Variants in PPIL2 observed in about 807,000 individuals in gnomAD.
The protein encoded by PPIL2 is RING-type E3 ubiquitin-protein ligase PPIL2.
PPIL2 carries 50 observed loss-of-function variants against 75.2 expected under a neutral mutation model. The ratio of observed to expected loss-of-function variants is 0.66; its 90% CI spans 0.53 to 0.84. The LOEUF (loss-of-function observed/expected upper bound fraction) is 0.84, where lower values mean the gene tolerates loss of function less well. Ranked by LOEUF, PPIL2 falls within the 40% of genes least tolerant of loss-of-function variation. The pLI, the probability that PPIL2 is intolerant of heterozygous loss-of-function variation, is 0.00. For missense variants in PPIL2, 590 were observed against 685.0 expected, an observed-to-expected ratio of 0.86 and a Z score of 1.55; for synonymous variants, 245 against 258.8, an observed-to-expected ratio of 0.95 and a Z score of 0.51.
chr22:21,694,966 G>C lies in PPIL2; in HGVS notation c.1362G>C (p.Lys454Asn). ...CGCAGGAGCGGAAGACACAGCTCAAGGTAGCCCCGGAGACCAAAGTGAAGA... is the reference window on the plus strand; with the variant it reads ...CGCAGGAGCGGAAGACACAGCTCAACGTAGCCCCGGAGACCAAAGTGAAGA... Reference protein sequence around the residue: ...QIAQERKTQLKVAPETKVKSS... With the variant: ...QIAQERKTQLNVAPETKVKSS... Residue 454 changes from lysine to asparagine, a missense_variant, in exon 19 of 20, where the codon AAG becomes AAC. Coordinates refer to ENST00000398831, the MANE Select transcript of PPIL2 (RefSeq NM_014337.4). 1 of 1,613,924 alleles carries C rather than the reference G, an allele frequency of 6.2e-7. No individual in the cohort carries two copies. Among genetic ancestry groups the C allele is most frequent in the Non-Finnish European group, 8.5e-7 (1 of 1,180,002 alleles).
intron 4 of PPIL2, among the ~76,000 whole-genome samples, 164 bp downstream of exon 4, chr22:21,671,223 C>G (rs1243139658): frequency 2.0e-5 from 3 of 152,200 alleles, no homozygotes; most frequent in Non-Finnish European, 4.4e-5. Flanking sequence ...GGGCAGGCAG[C>G]TCTAGTTGTC....
Position 21,686,516 on chromosome 22 carries a change from T to C in PPIL2, c.748T>C (p.Phe250Leu), listed in dbSNP as rs781673013. The C allele has an allele frequency of 5.0e-6, 8 of 1,614,034 alleles. No individual in the cohort carries two copies. The highest frequency in any genetic ancestry group is 6.8e-6 in the Non-Finnish European group (8 of 1,180,012). The change falls in exon 11 of 20, where the codon TTC (phenylalanine) becomes CTC (leucine). Residue 250 changes from phenylalanine to leucine, a missense_variant. Transcript: ENST00000398831. ...TTCCACAGGGAAGGTCAGCGCTTCC[T>C]TCACCTCCACCGCGATGGTCCCGGA... is the stretch of plus-strand genomic sequence containing the variant. Reference protein sequence around the residue: ...HYSTGKVSASFTSTAMVPETT... With the variant: ...HYSTGKVSASLTSTAMVPETT...
chr22:21,678,543 A>C (rs185415931), intron 6 of PPIL2, among the ~76,000 whole-genome samples: 73 of 151,716 alleles, frequency 4.8e-4, no homozygotes, highest in African/African-American at 1.4e-3. Flanking sequence ...TTTCTTTGTT[A>C]ATTGGAATTC....
chr22:21,698,143 G>A (rs2068009841), downstream of PPIL2: 1 of 151,748 alleles, frequency 6.6e-6, no homozygotes, highest in Non-Finnish European at 1.5e-5. Flanking sequence ...ATATGGTCCT[G>A]TGAATAGCAC....
At chr22:21,674,695 G>A (rs896176639) in intron 5 of PPIL2, among the ~76,000 whole-genome samples, 2 of 152,190 alleles carry the variant, frequency 1.3e-5, no homozygotes, top group African/African-American at 4.8e-5. Context: ...GAGGGACTCT[G>A]TGTGTCCCAC....
chr22:21,678,419 C>T (rs1177299525), intron 6 of PPIL2, among the ~76,000 whole-genome samples: 4 of 151,972 alleles, frequency 2.6e-5, no homozygotes, highest in South Asian at 2.1e-4. Flanking sequence ...TTTGTAGAGA[C>T]GGGGTTTCAC....
At chr22:21,692,318 C>G (rs1184884594) in intron 15 of PPIL2, among the ~76,000 whole-genome samples, 1 of 151,882 alleles carries the variant, frequency 6.6e-6, no homozygotes, top group Non-Finnish European at 1.5e-5. Flanking sequence ...ACACGCCTGG[C>G]TAATTTTTTG....
rs376001677 is a variant in PPIL2 at position 21,684,813 on chromosome 22, G to C, written c.614G>C (p.Arg205Pro). The stretch of plus-strand genomic sequence containing the variant: ...CTGAAAAATACAAATGCCGAGACCC[G>C]AGAGACCCTGCAGGAGCTCTACAAG... ...YYLKNTNAET[R>P]ETLQELYKEF... The change falls in exon 10 of 20, where the codon CGA (arginine) becomes CCA (proline). Residue 205 changes from arginine to proline, a missense_variant. Transcript: ENST00000398831. The C allele has an allele frequency of 6.2e-7, 1 of 1,614,148 alleles. No homozygotes were observed. The highest frequency in any genetic ancestry group is 1.1e-5 in the South Asian group (1 of 91,084).
At chr22:21,670,751 A>T in intron 3 of PPIL2, 140 bp downstream of exon 3, 1 of 1,011,854 alleles carries the variant, frequency 9.9e-7, no homozygotes, top group South Asian at 1.3e-5. Context: ...TTGGGAGAAG[A>T]TGCAGAGTCC....
Position 21,682,631 on chromosome 22 carries a change from C to T in PPIL2, c.477+105C>T, listed in dbSNP as rs116720107. 5.8e-4 allele frequency: 347 copies of T among 602,128 alleles called. No individual in the cohort carries two copies. In the African/African-American group the frequency reaches 8.0e-3, roughly 14 times the overall value. The allele number at this position is 602,128 out of a possible 1,614,324, so 37.3% of individuals were successfully genotyped here. ...CGTCAGGGCCCCTCATATCTGTCCTCAAAGCCACCTGAGGCATCTGAATAG... is the reference window on the plus strand; with the variant it reads ...CGTCAGGGCCCCTCATATCTGTCCTTAAAGCCACCTGAGGCATCTGAATAG... On this transcript the variant is annotated intron_variant, in intron 8 of 19. Transcript: ENST00000398831.
rs369400505 is a variant in PPIL2 at position 21,687,600 on chromosome 22, T to TG, written c.898-41dup. The TG allele has an allele frequency of 2.9e-4, 384 of 1,309,778 alleles. 1 individual carries two copies. In the African/African-American group the frequency reaches 5.4e-3, roughly 18 times the overall value. 81.1% of individuals were successfully genotyped at this position (1,309,778 alleles called of 1,614,324 possible). A position where few individuals can be genotyped will look rare whatever the true frequency, so the allele number is the denominator to read the frequency against. On this transcript the variant is annotated intron_variant, in intron 12 of 19. Transcript: ENST00000398831. The stretch of plus-strand genomic sequence containing the variant: ...TCCTGTGGCTGTGGTGAGCTGCCTT[T>TG]GGCAGCTCTCTGCTTCATACAAGTA...
Position 21,695,040 on chromosome 22 carries a change from G to A in PPIL2, c.1436G>A (p.Gly479Asp), listed in dbSNP as rs1253325240. The change falls in exon 19 of 20, where the codon GGC (glycine) becomes GAC (aspartate). Residue 479 changes from glycine to aspartate, a missense_variant. Transcript: ENST00000398831. ...GSQGPQTFRQ[G>D]VGKYINPAAT... Reference sequence around the variant, plus strand: ...CAGGGCCCCCAGACCTTCCGCCAGGGCGTGGGCAAGTACATCAACCCAGCA... The same window carrying A: ...CAGGGCCCCCAGACCTTCCGCCAGGACGTGGGCAAGTACATCAACCCAGCA... The A allele has an allele frequency of 6.2e-7, 1 of 1,611,130 alleles. No homozygotes were observed. Among genetic ancestry groups the A allele is most frequent in the East Asian group, 2.2e-5 (1 of 44,896 alleles).
chr22:21,683,144 C>T (rs530592896), intron 8 of PPIL2, 38 bp from the exon 9 acceptor site: 14 of 1,560,712 alleles, frequency 9.0e-6, no homozygotes, highest in African/African-American at 6.8e-5. Flanking sequence ...TGGCCGTAGG[C>T]TGGGTTCACT....
chr22:21,691,028 G>A (rs565131307), intron 15 of PPIL2, among the ~76,000 whole-genome samples: 2 of 138,930 alleles, frequency 1.4e-5, no homozygotes, highest in South Asian at 4.6e-4. Context: ...GCAATGGCGG[G>A]ATCTCGGCTC....
At chr22:21,679,737 G>T (rs2067024852) in intron 6 of PPIL2, among the ~76,000 whole-genome samples, 1 of 151,790 alleles carries the variant, frequency 6.6e-6, no homozygotes, top group Non-Finnish European at 1.5e-5. Flanking sequence ...TCTAACTTGA[G>T]GCTCTAACTA....
chr22:21,688,248 G>A lies in PPIL2; in HGVS notation c.1021+142G>A, dbSNP rs2067462596. 11 of 1,081,102 alleles carry A rather than the reference G, an allele frequency of 1.0e-5. No individual in the cohort carries two copies. In the South Asian group the frequency reaches 1.4e-4, roughly 14 times the overall value. The allele number at this position is 1,081,102 out of a possible 1,614,324, so 67.0% of individuals were successfully genotyped here. A position where few individuals can be genotyped will look rare whatever the true frequency, so the allele number is the denominator to read the frequency against. On this transcript the variant is annotated intron_variant, in intron 14 of 19. Transcript: ENST00000398831. ...AACGACTGGCAGCCATCAGTGCTGT[G>A]CCCCCTCAGGCCTGGCCCTCAGTTT...
intron 4 of PPIL2, 95 bp from the exon 5 acceptor site, chr22:21,672,235 C>T (rs1268990565): frequency 1.0e-5 from 11 of 1,053,894 alleles, no homozygotes; most frequent in Middle Eastern, 2.9e-4. Flanking sequence ...CCTTCACAGG[C>T]CTCTAACCTG....
intron 6 of PPIL2, among the ~76,000 whole-genome samples, chr22:21,677,132 A>G (rs915270891): frequency 7.9e-5 from 12 of 151,180 alleles, no homozygotes; most frequent in African/African-American, 2.7e-4. Context: ...CGCTTCTCAG[A>G]CGGGGCGGCT....
In PPIL2 at chr22:21,688,793, G is replaced by A. The variant is rs1181940180; in HGVS notation, c.1083G>A (p.Thr361=). The change falls in exon 15 of 20, where the codon ACG becomes ACA. Residue 361 remains threonine (T), a synonymous_variant. Coordinates refer to ENST00000398831, the MANE Select transcript of PPIL2 (RefSeq NM_014337.4). ...KDEFRPNLSH[T]GRGILSMANS... is the part of the protein sequence containing the mutation. ...AGTTCCGGCCCAACCTCTCGCACACGGGCCGCGGCATCCTCAGCATGGCCA... is the reference window on the plus strand; with the variant it reads ...AGTTCCGGCCCAACCTCTCGCACACAGGCCGCGGCATCCTCAGCATGGCCA... 6.2e-6 allele frequency: 10 copies of A among 1,614,234 alleles called. No individual in the cohort carries two copies. The East Asian group carries it at 6.7e-5, about 11-fold the overall frequency.
Sources: allele counts gnomAD v4.1 joint callset (sites outside exome capture counted in the v4.1 genomes callset), GRCh38; gene constraint gnomAD v4.1.1; transcripts MANE v1.5; gene names NCBI Gene and HGNC (gene_info 2026-07-23, HGNC 2026-07-21).